The following KCNN2 variants were observed in gnomAD, a reference collection of about 807,000 sequenced individuals.
KCNN2 encodes potassium calcium-activated channel subfamily N member 2.
KCNN2 carries 24 observed loss-of-function variants against 55.5 expected under a neutral mutation model. The observed-to-expected ratio is 0.43, with a 90% confidence interval of 0.31 to 0.61. The LOEUF (loss-of-function observed/expected upper bound fraction) is 0.61. KCNN2 is among the 20% of genes least tolerant of loss of function. The pLI, the probability that KCNN2 is intolerant of heterozygous loss-of-function variation, is 0.08. For synonymous variants in KCNN2, 431 were observed against 336.1 expected (o/e 1.28, Z -3.09); for missense variants, 754 against 853.6 (o/e 0.88, Z 1.45).
At chr5:114,167,787 A>C (rs1008406322) in intron 1 of KCNN2, among the ~76,000 whole-genome samples, 14 of 152,300 alleles carry the variant, frequency 9.2e-5, no homozygotes, top group African/African-American at 3.1e-4. Flanking sequence ...AAGACAGTGA[A>C]TATTTAACCC....
At position 114,264,209 on chromosome 5, in the gene KCNN2, T is replaced by C. The variant is rs554917835; in HGVS notation, c.-185+42644T>C. Among the ~76,000 whole-genome samples, 38 of 152,276 alleles carry C rather than the reference T, an allele frequency of 2.5e-4. No individual in the cohort carries two copies. The South Asian group carries it at 7.7e-3, about 31-fold the overall frequency. ...ATCCTTTCCATCATTTCTATGACTCTGTATGCATGTTCTTCATACATGAGA... is the reference window on the plus strand; with the variant it reads ...ATCCTTTCCATCATTTCTATGACTCCGTATGCATGTTCTTCATACATGAGA... On this transcript the variant is annotated intron_variant, in intron 2 of 10. Transcript: ENST00000512097.
chr5:114,108,035 T>A (rs1403197282), intron 1 of KCNN2, among the ~76,000 whole-genome samples: 1 of 152,112 alleles, frequency 6.6e-6, no homozygotes, highest in Non-Finnish European at 1.5e-5. Context: ...TTGCTAAAGA[T>A]TAATTTGTAT....
chr5:114,295,749 C>G (rs138997353), intron 2 of KCNN2, among the ~76,000 whole-genome samples: 108 of 152,216 alleles, frequency 7.1e-4, no homozygotes, highest in Non-Finnish European at 1.1e-3. Flanking sequence ...GAGATGAACC[C>G]GGTACCTTAG....
At chr5:114,137,543 T>C (rs1433741977) in intron 1 of KCNN2, among the ~76,000 whole-genome samples, 1 of 151,194 alleles carries the variant, frequency 6.6e-6, no homozygotes, top group East Asian at 1.9e-4. Flanking sequence ...GTAAATTAAA[T>C]AATAAAGTAC....
At chr5:114,422,851 AG>A (rs1384799628) in intron 3 of KCNN2, among the ~76,000 whole-genome samples, 1 of 152,188 alleles carries the variant, frequency 6.6e-6, no homozygotes, top group African/African-American at 2.4e-5. Flanking sequence ...ATTCTGTTAA[AG>A]TTGGTTGTCC....
chr5:114,056,406 G>C, exon 1 of KCNN2: 1 of 398,678 alleles, frequency 2.5e-6, no homozygotes. Flanking sequence ...TCGATCTTCA[G>C]CTTTGTCCAC....
chr5:114,486,981 G>A lies in KCNN2; in HGVS notation c.1891-69G>A, dbSNP rs1322311529. On this transcript the variant is annotated intron_variant, in intron 5 of 7. Transcript: ENST00000673685. ...CCATGATCCTTGGGATGAAGACTAT[G>A]ACCCCCAGCAAAGTTACAAAGGATT... is the stretch of plus-strand genomic sequence containing the variant. 4.5e-6 allele frequency: 7 copies of A among 1,557,050 alleles called. No homozygotes were observed. In the East Asian group the frequency reaches 1.6e-4, roughly 35 times the overall value.
intron 2 of KCNN2, among the ~76,000 whole-genome samples, chr5:114,250,184 C>T (rs1754830098): frequency 6.6e-6 from 1 of 152,092 alleles, no homozygotes; most frequent in African/African-American, 2.4e-5. Flanking sequence ...CTAGCATGAG[C>T]AGTTTGGATA....
At chr5:114,299,704 C>T (rs969669211) in intron 2 of KCNN2, among the ~76,000 whole-genome samples, 1 of 152,184 alleles carries the variant, frequency 6.6e-6, no homozygotes, top group Admixed American at 6.5e-5. Flanking sequence ...TCACCCAGTG[C>T]CTCCAGCCAT....
intron 5 of KCNN2, among the ~76,000 whole-genome samples, chr5:114,481,157 G>C (rs991369323): frequency 6.6e-6 from 1 of 152,098 alleles, no homozygotes; most frequent in African/African-American, 2.4e-5. Context: ...AAAGCCTCAG[G>C]ATACAAAATC....
chr5:114,241,716 ATATACGTATATATATACATATATACG>A (rs1754626587), intron 2 of KCNN2, among the ~76,000 whole-genome samples: 4 of 117,286 alleles, frequency 3.4e-5, no homozygotes, highest in African/African-American at 6.9e-5. Flanking sequence ...ATATATATAT[ATATACGTATATATATACATATATACG>A]TATATATATG....
In KCNN2 at chr5:114,362,116, C is replaced by T. The variant is rs1247000072; in HGVS notation, c.-24C>T. 6.4e-6 allele frequency: 1 copy of T among 156,812 alleles called. No individual in the cohort carries two copies. Among genetic ancestry groups the T allele is most frequent in the Admixed American group, 6.5e-5 (1 of 15,306 alleles). The allele number at this position is 156,812 out of a possible 1,614,324, so 9.7% of individuals were successfully genotyped here. Reference sequence around the variant, plus strand: ...CGCAGGGTGCACCACCGCTTGGTCTCCCTGCAGCTTTAACAGCCCTGACAT... The same window carrying T: ...CGCAGGGTGCACCACCGCTTGGTCTTCCTGCAGCTTTAACAGCCCTGACAT... On this transcript the variant is annotated 5_prime_UTR_variant, in exon 1 of 8. Coordinates refer to ENST00000673685, the MANE Select transcript of KCNN2 (RefSeq NM_021614.4).
At chr5:114,349,157 A>G (rs1332291087) in intron 2 of KCNN2, among the ~76,000 whole-genome samples, 2 of 152,104 alleles carry the variant, frequency 1.3e-5, no homozygotes, top group Non-Finnish European at 2.9e-5. Flanking sequence ...ATATGGAATC[A>G]TGTAACGTGT....
chr5:114,079,840 TGTGTGAGA>T (rs1330990673), intron 1 of KCNN2, among the ~76,000 whole-genome samples: 4 of 144,804 alleles, frequency 2.8e-5, no homozygotes, highest in Admixed American at 2.1e-4. Flanking sequence ...TGTGTGTGTG[TGTGTGAGA>T]GAGAGAGAGA....
intron 1 of KCNN2, among the ~76,000 whole-genome samples, chr5:114,079,823 A>G (rs1397388616): frequency 1.4e-5 from 2 of 147,360 alleles, no homozygotes; most frequent in South Asian, 2.2e-4. Context: ...GATACTTAAT[A>G]TGTGTGTGTG....
chr5:114,188,476 C>CA (rs879794905), intron 1 of KCNN2, among the ~76,000 whole-genome samples: 12 of 151,814 alleles, frequency 7.9e-5, no homozygotes, highest in Non-Finnish European at 1.6e-4. Context: ...TTAGGCAATG[C>CA]AAAAAAGATA....
chr5:114,192,600 A>T (rs1174458895), intron 1 of KCNN2, among the ~76,000 whole-genome samples: 6 of 152,100 alleles, frequency 3.9e-5, no homozygotes. Context: ...AGGTTCACCA[A>T]AAAGTATCAT....
chr5:114,246,595 C>T (rs1348579284), intron 2 of KCNN2, among the ~76,000 whole-genome samples: 2 of 151,056 alleles, frequency 1.3e-5, no homozygotes, highest in South Asian at 2.1e-4. Context: ...ACATTGGTAT[C>T]GTACTTTTAG....
At chr5:114,142,364 C>T (rs1333046545) in intron 1 of KCNN2, among the ~76,000 whole-genome samples, 1 of 152,118 alleles carries the variant, frequency 6.6e-6, no homozygotes, top group Non-Finnish European at 1.5e-5. Flanking sequence ...AGCCAGTTTT[C>T]CCAGCACCAT....
Sources: allele counts gnomAD v4.1 joint callset (sites outside exome capture counted in the v4.1 genomes callset), GRCh38; gene constraint gnomAD v4.1.1; transcripts MANE v1.5; gene names NCBI Gene and HGNC (gene_info 2026-07-23, HGNC 2026-07-21).